NT5DC2: variants seen among roughly 807,000 people sequenced by gnomAD.
NT5DC2 encodes the protein 5'-nucleotidase domain containing 2, also known as 5'-nucleotidase domain-containing protein 2.
Under a neutral mutation model 70.0 loss-of-function variants are expected in NT5DC2, and 41 were observed. The observed-to-expected ratio is 0.59, with a 90% CI of 0.46 to 0.76. NT5DC2 has a LOEUF of 0.76. Among genes scored for constraint, NT5DC2 ranks in the 30% least tolerant of loss-of-function variants. The pLI, the probability that NT5DC2 is intolerant of heterozygous loss-of-function variation, is 0.00. For missense variants in NT5DC2, 705 were observed against 783.2 expected, an observed-to-expected ratio of 0.90 and a Z score of 1.19; for synonymous variants, 299 against 310.4, an observed-to-expected ratio of 0.96 and a Z score of 0.39.
chr3:52,524,737 G>C lies in NT5DC2; in HGVS notation c.1413-6C>G, dbSNP rs377040069. 6.2e-7 allele frequency: 1 copy of C among 1,612,664 alleles called. No homozygotes were observed. Among genetic ancestry groups the C allele is most frequent in the South Asian group, 1.1e-5 (1 of 91,074 alleles). On this transcript the variant is annotated splice_polypyrimidine_tract_variant and splice_region_variant and intron_variant, in intron 13 of 13. Transcript: ENST00000422318. ...ACAGGGCCTTGGTGATGCACCTGGC[G>C]AGGGAGACACGATGCGCTCAAGGGG...
At chr3:52,525,146 GGGGGC>G (rs2153234419) in intron 11 of NT5DC2, 43 bp from the exon 12 acceptor site, 3 of 1,299,414 alleles carry the variant, frequency 2.3e-6, no homozygotes, top group East Asian at 2.9e-5. Context: ...GCCAGTTGCT[GGGGGC>G]GGGGGGGGGG....
At chr3:52,525,581 C>A (rs1224775885) in intron 10 of NT5DC2, 3 of 421,262 alleles carry the variant, frequency 7.1e-6, no homozygotes, top group Non-Finnish European at 1.3e-5. Flanking sequence ...GATTAGATCC[C>A]TGTTTGTAAG....
rs781130164 is a variant in NT5DC2 at position 52,528,640 on chromosome 3, T to C, written c.545A>G (p.Tyr182Cys). ...GGTTGGGGCAGAGCCGACTGACCTG[T>C]AGGCTGTCCCCAGCTGCACGTAGTG... ...AFHYVQLGTAYRGLQPVPDEE... is the reference protein window; with the variant it reads ...AFHYVQLGTACRGLQPVPDEE... The change falls in exon 4 of 14, where the codon TAC becomes TGC. Residue 182 changes from tyrosine to cysteine, a missense_variant. Physicochemically the swap from Tyr to Cys is radical, Grantham distance 194. Coordinates refer to ENST00000422318, the MANE Select transcript of NT5DC2 (RefSeq NM_001134231.2). 5.1e-6 allele frequency: 8 copies of C among 1,581,002 alleles called. No individual in the cohort carries two copies. Among genetic ancestry groups the C allele is most frequent in the East Asian group, 2.3e-5 (1 of 43,182 alleles).
chr3:52,528,575 T>G, intron 4 of NT5DC2, 36 bp from the exon 5 acceptor site: 1 of 1,253,786 alleles, frequency 8.0e-7, no homozygotes, highest in Non-Finnish European at 1.1e-6. Flanking sequence ...TCCAAGGTAG[T>G]CCTGAGCCAG....
chr3:52,534,981 A>C, upstream of NT5DC2: 1 of 307,754 alleles, frequency 3.2e-6, no homozygotes, highest in South Asian at 4.0e-5. Context: ...AACCTCCTCC[A>C]GGCGAGGGGA....
chr3:52,534,343 C>T (rs1267583399), upstream of NT5DC2: 1 of 883,832 alleles, frequency 1.1e-6, no homozygotes, highest in South Asian at 1.5e-5. Flanking sequence ...CCGGGCCAGT[C>T]CACTCACTGG....
At position 52,529,014 on chromosome 3, in the gene NT5DC2, TCCAGCCACCTGCC is replaced by T; in HGVS notation, c.418-92_418-80del. On this transcript the variant is annotated intron_variant, in intron 2 of 13. Transcript: ENST00000422318. This position sits in a 1 kb window ranked among gnomAD's most constrained non-coding sequence, Gnocchi z 4.1. ...CTGGGTGGCCACCCCAGGGGGTCAA[TCCAGCCACCTGCC>T]CAGGGCAGCTGCCAGGCAAGAGGGC... 3 of 1,587,914 alleles carry T rather than the reference TCCAGCCACCTGCC, an allele frequency of 1.9e-6. No individual in the cohort carries two copies. The highest frequency in any genetic ancestry group is 2.6e-6 in the Non-Finnish European group (3 of 1,157,488).
At chr3:52,528,976 C>A in intron 2 of NT5DC2, 41 bp from the exon 3 acceptor site, 1 of 1,609,532 alleles carries the variant, frequency 6.2e-7, no homozygotes, top group Non-Finnish European at 8.5e-7. Flanking sequence ...AATAGCCCTG[C>A]CAGACCTGCT....
Position 52,524,803 on chromosome 3 carries a change from C to T in NT5DC2, c.1412+14G>A, listed in dbSNP as rs764724651. On this transcript the variant is annotated intron_variant, in intron 13 of 13. Transcript: ENST00000422318. Reference sequence around the variant, plus strand: ...GGCTTGGCTGGGACTCCTGCCCTGGCCCCACCTGCTCACCTCAGCTCCTGC... The same window carrying T: ...GGCTTGGCTGGGACTCCTGCCCTGGTCCCACCTGCTCACCTCAGCTCCTGC... 6.2e-7 allele frequency: 1 copy of T among 1,612,498 alleles called. No homozygotes were observed. Among genetic ancestry groups the T allele is most frequent in the Non-Finnish European group, 8.5e-7 (1 of 1,179,982 alleles).
intron 1 of NT5DC2, chr3:52,532,196 G>A: frequency 1.0e-6 from 1 of 985,462 alleles, no homozygotes; most frequent in Non-Finnish European, 1.2e-6. Context: ...TTTGCTCCTT[G>A]TATGACAAGA....
chr3:52,528,574 G>A, intron 4 of NT5DC2, 35 bp from the exon 5 acceptor site: 1 of 1,545,296 alleles, frequency 6.5e-7, no homozygotes. Flanking sequence ...GTCCAAGGTA[G>A]TCCTGAGCCA....
At position 52,531,380 on chromosome 3, in the gene NT5DC2, C is replaced by T. The variant is rs150957962; in HGVS notation, c.233-2046G>A. Among the ~76,000 whole-genome samples the T allele has an allele frequency of 1.4e-4, 22 of 152,284 alleles. No homozygotes were observed. Among genetic ancestry groups the T allele is most frequent in the African/African-American group, 4.6e-4 (19 of 41,570 alleles). ...CACTAGGACCCTGGGCCTTGCCCTT[C>T]CCATGGCCCTGAGTTCCCGGATACC... On this transcript the variant is annotated intron_variant, in intron 1 of 13. Transcript: ENST00000422318. This position sits in a 1 kb window ranked among gnomAD's most constrained non-coding sequence, Gnocchi z 4.1.
Position 52,531,621 on chromosome 3 carries a change from A to C in NT5DC2, c.232+1885T>G, listed in dbSNP as rs1039184825. ...CCTGGCCTGATTTCTAGACTAGAAG[A>C]ACCTTGGCTCTGGGGCGACAGAAGC... On this transcript the variant is annotated intron_variant, in intron 1 of 13. Coordinates refer to ENST00000422318, the MANE Select transcript of NT5DC2 (RefSeq NM_001134231.2). The surrounding 1 kb of genome is among the most constrained non-coding windows in gnomAD (Gnocchi z 4.1). Among the ~76,000 whole-genome samples, 2 of 136,974 alleles carry C rather than the reference A, an allele frequency of 1.5e-5. No individual in the cohort carries two copies. The highest frequency in any genetic ancestry group is 5.4e-5 in the African/African-American group (2 of 36,908). 89.9% of individuals were successfully genotyped at this position (136,974 alleles called of 152,430 possible).
Position 52,524,747 on chromosome 3 carries a change from C to A in NT5DC2, c.1413-16G>T. The stretch of plus-strand genomic sequence containing the variant: ...GGTGATGCACCTGGCGAGGGAGACA[C>A]GATGCGCTCAAGGGGTGGGCCTGGG... On this transcript the variant is annotated splice_polypyrimidine_tract_variant and intron_variant, in intron 13 of 13. Coordinates refer to ENST00000422318, the MANE Select transcript of NT5DC2 (RefSeq NM_001134231.2). 6.2e-7 allele frequency: 1 copy of A among 1,612,596 alleles called. No individual in the cohort carries two copies. The highest frequency in any genetic ancestry group is 8.5e-7 in the Non-Finnish European group (1 of 1,179,914).
At chr3:52,530,885 G>A (rs1282134450) in intron 1 of NT5DC2, among the ~76,000 whole-genome samples, 1 of 152,170 alleles carries the variant, frequency 6.6e-6, no homozygotes, top group East Asian at 1.9e-4. Flanking sequence ...AGGGGCTGCA[G>A]GGAGAAGGGA....
At chr3:52,532,595 G>T in intron 1 of NT5DC2, 1 of 786,680 alleles carries the variant, frequency 1.3e-6, no homozygotes, top group Non-Finnish European at 1.5e-6. Context: ...CGTCACCCCT[G>T]GGGGTTCCTC....
At chr3:52,534,837 AT>A, upstream of NT5DC2, 1 of 676,976 alleles carries the variant, frequency 1.5e-6, no homozygotes. Context: ...CTGAACCTTG[AT>A]TGAAGACCTA....
chr3:52,534,324 G>C, upstream of NT5DC2: 1 of 761,562 alleles, frequency 1.3e-6, no homozygotes, highest in South Asian at 1.6e-5. Context: ...ACTGCCCACT[G>C]ACCAGAGCCC....
In NT5DC2 at chr3:52,524,894, A is replaced by C. The variant is rs1279622094; in HGVS notation, c.1348-13T>G. ...CGTCCTGATAGGTCTGGGGACACAA[A>C]GTGTGCATTGGGTGTGTGCACCCAG... On this transcript the variant is annotated splice_polypyrimidine_tract_variant and intron_variant, in intron 12 of 13. Coordinates refer to ENST00000422318, the MANE Select transcript of NT5DC2 (RefSeq NM_001134231.2). 1 of 1,611,938 alleles carries C rather than the reference A, an allele frequency of 6.2e-7. No individual in the cohort carries two copies.
Sources: gnomAD v4.1 joint callset for allele counts (sites outside exome capture counted in the v4.1 genomes callset) on GRCh38, gnomAD v4.1.1 for gene constraint, Gnocchi (gnomAD v3.1) non-coding constraint, MANE v1.5 for transcripts, NCBI Gene and HGNC (gene_info 2026-07-23, HGNC 2026-07-21) for gene names.